CCSER1: variants seen among roughly 807,000 people sequenced by gnomAD.
The protein encoded by CCSER1 is coiled-coil serine rich protein 1.
CCSER1 carries 41 observed loss-of-function variants against 82.0 expected under a neutral mutation model. The observed-to-expected ratio is 0.50, with a 90% confidence interval of 0.39 to 0.65. CCSER1 has a LOEUF of 0.65. Ranked by LOEUF, CCSER1 falls within the 30% of genes least tolerant of loss-of-function variation. CCSER1 has a pLI of 0.00. For synonymous variants in CCSER1, 414 were observed against 383.9 expected (o/e 1.08, Z -0.92); for missense variants, 1,119 against 1,064.2 (o/e 1.05, Z -0.72).
At chr4:91,354,836 C>A (rs1748715584) in intron 10 of CCSER1, among the ~76,000 whole-genome samples, 1 of 152,128 alleles carries the variant, frequency 6.6e-6, no homozygotes, top group South Asian at 2.1e-4. Flanking sequence ...CGGCTAATTG[C>A]AAAAACAAAT....
At chr4:91,115,533 G>A (rs1726480391) in intron 10 of CCSER1, among the ~76,000 whole-genome samples, 1 of 151,946 alleles carries the variant, frequency 6.6e-6, no homozygotes, top group Non-Finnish European at 1.5e-5. Context: ...CACTATGTTG[G>A]CCAGGCTGGT....
chr4:90,932,988 GAAAGAA>G lies in CCSER1; in HGVS notation c.2172+9543_2172+9548del, dbSNP rs1561385248. On this transcript the variant is annotated intron_variant, in intron 9 of 10. Coordinates refer to ENST00000509176, the MANE Select transcript of CCSER1 (RefSeq NM_001145065.2). ...AAAGAAAGAAAGAAAGAAAGAGAAA[GAAAGAA>G]AGAAAGAAAGAAAGAAAGAAAGAAA... 1.5e-3 allele frequency among the ~76,000 whole-genome samples: 48 copies of G among 32,754 alleles called. 4 individuals are homozygous for G. The highest frequency in any genetic ancestry group is 1.7e-3 in the Non-Finnish European group (29 of 17,532). The allele number at this position is 32,754 out of a possible 152,430, so 21.5% of individuals were successfully genotyped here.
At chr4:91,193,777 T>G (rs1383464737) in intron 10 of CCSER1, among the ~76,000 whole-genome samples, 5 of 152,054 alleles carry the variant, frequency 3.3e-5, no homozygotes, top group Admixed American at 6.6e-5. Context: ...GCCCATTGCT[T>G]ATATGTCTTT....
At chr4:91,409,756 C>T (rs1389153460) in intron 10 of CCSER1, among the ~76,000 whole-genome samples, 1 of 152,086 alleles carries the variant, frequency 6.6e-6, no homozygotes, top group Non-Finnish European at 1.5e-5. Context: ...GCACTCAGCT[C>T]ACTGAAATCT....
At chr4:91,163,602 A>G (rs975884451) in intron 10 of CCSER1, among the ~76,000 whole-genome samples, 2 of 152,148 alleles carry the variant, frequency 1.3e-5, no homozygotes, top group Admixed American at 6.5e-5. Context: ...TTGGTTTATG[A>G]ATCTAGATGC....
chr4:91,143,620 G>A (rs1003402441), intron 10 of CCSER1, among the ~76,000 whole-genome samples: 1 of 151,950 alleles, frequency 6.6e-6, no homozygotes, highest in Non-Finnish European at 1.5e-5. Context: ...GTCATAGATG[G>A]CTCTTATTAT....
At chr4:91,362,810 G>T (rs1053785443) in intron 10 of CCSER1, among the ~76,000 whole-genome samples, 7 of 151,640 alleles carry the variant, frequency 4.6e-5, no homozygotes, top group African/African-American at 1.5e-4. Context: ...AGTAATAAAA[G>T]CTCATCCTGT....
At chr4:90,163,919 AAC>A (rs1729952458) in intron 1 of CCSER1, among the ~76,000 whole-genome samples, 1 of 152,188 alleles carries the variant, frequency 6.6e-6, no homozygotes, top group Non-Finnish European at 1.5e-5. Context: ...TGAAAAGAGA[AAC>A]ATTTCTTTTG....
At chr4:90,749,838 C>G (rs563184321) in intron 7 of CCSER1, among the ~76,000 whole-genome samples, 66 of 151,798 alleles carry the variant, frequency 4.3e-4, no homozygotes, top group South Asian at 2.1e-4. Context: ...AATGGTATTT[C>G]TAGTTCTAGA....
intron 9 of CCSER1, among the ~76,000 whole-genome samples, chr4:90,934,536 A>C (rs1581140432): frequency 6.6e-6 from 1 of 152,210 alleles, no homozygotes; most frequent in African/African-American, 2.4e-5. Flanking sequence ...TAGGTGGATA[A>C]GTTAAACAAT....
rs139807037 is a variant in CCSER1 at position 90,248,293 on chromosome 4, A to G, written c.-41-59951A>G. 1.9e-3 allele frequency among the ~76,000 whole-genome samples: 282 copies of G among 152,296 alleles called. 6 individuals are homozygous for G. The East Asian group carries it at 0.045, about 24-fold the overall frequency. On this transcript the variant is annotated intron_variant, in intron 1 of 10. Coordinates refer to ENST00000509176, the MANE Select transcript of CCSER1 (RefSeq NM_001145065.2). ...TAATAAATATGTATTGAATGAATGT[A>G]TTAAATTATAAAAGTAATGATGAAA...
chr4:90,819,053 C>T (rs572750838), intron 8 of CCSER1, among the ~76,000 whole-genome samples: 52 of 152,178 alleles, frequency 3.4e-4, no homozygotes, highest in African/African-American at 1.0e-3. Flanking sequence ...GTCTGAGATC[C>T]GGTGCCAGAG....
chr4:91,056,201 T>C (rs1218073346), intron 9 of CCSER1, among the ~76,000 whole-genome samples: 3 of 152,096 alleles, frequency 2.0e-5, no homozygotes, highest in Non-Finnish European at 4.4e-5. Flanking sequence ...ACCATTTTTG[T>C]TGGTTTGTTT....
At chr4:90,408,521 A>G (rs543016963) in intron 4 of CCSER1, among the ~76,000 whole-genome samples, 13 of 152,344 alleles carry the variant, frequency 8.5e-5, no homozygotes, top group African/African-American at 2.6e-4. Context: ...CGAGGCAAAC[A>G]GGGTCTGGAG....
chr4:90,651,527 C>T lies in CCSER1; in HGVS notation c.1932+23295C>T, dbSNP rs181137330. The stretch of plus-strand genomic sequence containing the variant: ...ACACAGGGATGGGAACATCACACAC[C>T]GGGGTCTGTCAGGTGGTGGGGGATA... On this transcript the variant is annotated intron_variant, in intron 6 of 10. Coordinates refer to ENST00000509176, the MANE Select transcript of CCSER1 (RefSeq NM_001145065.2). Among the ~76,000 whole-genome samples, 815 of 151,978 alleles carry T rather than the reference C, an allele frequency of 5.4e-3. 5 individuals are homozygous for T. The highest frequency in any genetic ancestry group is 6.6e-3 in the Non-Finnish European group (449 of 67,962).
At chr4:91,426,222 C>CT (rs527464705) in intron 10 of CCSER1, among the ~76,000 whole-genome samples, 2 of 152,134 alleles carry the variant, frequency 1.3e-5, no homozygotes, top group African/African-American at 4.8e-5. Context: ...TGAACTCATC[C>CT]TTTTTTATGG....
At chr4:90,359,811 TTATA>T (rs1230225027) in intron 3 of CCSER1, among the ~76,000 whole-genome samples, 1 of 150,892 alleles carries the variant, frequency 6.6e-6, no homozygotes, top group Admixed American at 6.6e-5. Flanking sequence ...TGTAAAAACT[TTATA>T]TATAGATATG....
chr4:90,717,786 T>C (rs1048734350), intron 6 of CCSER1, among the ~76,000 whole-genome samples: 23 of 146,686 alleles, frequency 1.6e-4, no homozygotes, highest in African/African-American at 5.4e-4. Context: ...TATATGTGTG[T>C]ATATATATAT....
At chr4:90,565,138 A>G (rs745521813) in intron 5 of CCSER1, among the ~76,000 whole-genome samples, 1 of 151,598 alleles carries the variant, frequency 6.6e-6, no homozygotes, top group Non-Finnish European at 1.5e-5. Flanking sequence ...TAATATTAAT[A>G]TTAATGCTTT....
Sources: gnomAD v4.1 joint callset for allele counts (sites outside exome capture counted in the v4.1 genomes callset) on GRCh38, gnomAD v4.1.1 for gene constraint, MANE v1.5 for transcripts, NCBI Gene and HGNC (gene_info 2026-07-23, HGNC 2026-07-21) for gene names.